ANXA4: variants seen among roughly 807,000 people sequenced by gnomAD.
The protein encoded by ANXA4 is 35-beta calcimedin.
Under a neutral mutation model 49.8 loss-of-function variants are expected in ANXA4, and 39 were observed. That is an observed-to-expected ratio of 0.78 (90% CI 0.61 to 1.02). The LOEUF is 1.02. ANXA4 is among the 50% of genes least tolerant of loss of function. The probability of loss-of-function intolerance (pLI) is 0.00; values close to 1 mark genes in which losing one functional copy is unlikely to be tolerated. For synonymous variants in ANXA4, 134 were observed against 152.5 expected (o/e 0.88, Z 0.89); for missense variants, 360 against 410.1 (o/e 0.88, Z 1.05).
intron 4 of ANXA4, among the ~76,000 whole-genome samples, chr2:69,805,408 A>G (rs1392189893): frequency 3.3e-5 from 5 of 152,108 alleles, no homozygotes; most frequent in African/African-American, 1.2e-4. Context: ...GTTCGAGACC[A>G]GCCTGACCAA....
intron 3 of ANXA4, among the ~76,000 whole-genome samples, chr2:69,732,159 A>G (rs1473447153): frequency 6.6e-6 from 1 of 151,308 alleles, no homozygotes; most frequent in East Asian, 2.0e-4. Flanking sequence ...TTGTATTTTT[A>G]GTAAAGATGG....
chr2:69,749,566 G>A (rs1010915948), intron 1 of ANXA4, among the ~76,000 whole-genome samples: 1 of 152,156 alleles, frequency 6.6e-6, no homozygotes, highest in African/African-American at 2.4e-5. Flanking sequence ...GATAGGAACT[G>A]ATATAGAATG....
intron 2 of ANXA4, among the ~76,000 whole-genome samples, chr2:69,658,102 AG>A (rs1330837330): frequency 6.6e-6 from 1 of 152,042 alleles, no homozygotes; most frequent in Non-Finnish European, 1.5e-5. Context: ...TTCTGTCAAA[AG>A]CAAAAAAAAA....
At chr2:69,664,930 C>A (rs953107967) in intron 2 of ANXA4, among the ~76,000 whole-genome samples, 1 of 152,074 alleles carries the variant, frequency 6.6e-6, no homozygotes, top group African/African-American at 2.4e-5. Context: ...CGGCAAAACC[C>A]CGTGTCTACT....
At chr2:69,810,505 G>T in intron 6 of ANXA4, 89 bp from the exon 7 acceptor site, 2 of 1,064,894 alleles carry the variant, frequency 1.9e-6, no homozygotes, top group Non-Finnish European at 2.9e-6. Context: ...TAAGCAGGCT[G>T]GTCTTGAGGG....
chr2:69,780,675 G>A (rs903674586), intron 1 of ANXA4, among the ~76,000 whole-genome samples: 4 of 152,176 alleles, frequency 2.6e-5, no homozygotes, highest in African/African-American at 9.7e-5. Context: ...CCAGGAGTTC[G>A]AGGCTGCAGA....
upstream of ANXA4, among the ~76,000 whole-genome samples, chr2:69,644,134 C>T (rs1675893853): frequency 7.1e-6 from 1 of 141,052 alleles, no homozygotes; most frequent in Non-Finnish European, 1.5e-5. Context: ...AATTTAAACA[C>T]ATCCCGTGAA....
Position 69,697,978 on chromosome 2 carries a change from CAAA to C in ANXA4, n.767-22779_767-22777del, listed in dbSNP as rs34820959. Among the ~76,000 whole-genome samples the C allele has an allele frequency of 5.7e-3, 600 of 105,630 alleles. 1 individual carries two copies. Among genetic ancestry groups the C allele is most frequent in the African/African-American group, 0.02 (569 of 28,950 alleles). 69.3% of individuals were successfully genotyped at this position (105,630 alleles called of 152,430 possible). A position where few individuals can be genotyped will look rare whatever the true frequency, so the allele number is the denominator to read the frequency against. On this transcript the variant is annotated intron_variant and non_coding_transcript_variant, in intron 2 of 3. Coordinates refer to the ANXA4 transcript ENST00000418066. ...TGGGCAACACAGTGAGACCCCATCTCAAAAAAAAAAAAAAAAAAAGAATACTAT... is the reference window on the plus strand; with the variant it reads ...TGGGCAACACAGTGAGACCCCATCTCAAAAAAAAAAAAAAAAGAATACTAT...
chr2:69,657,056 G>A (rs572265348), intron 2 of ANXA4, among the ~76,000 whole-genome samples: 20 of 146,714 alleles, frequency 1.4e-4, no homozygotes, highest in South Asian at 6.5e-4. Context: ...GTACAGTGGC[G>A]CAATCTCAGC....
intron 2 of ANXA4, among the ~76,000 whole-genome samples, chr2:69,716,498 A>G (rs1386904137): frequency 6.6e-6 from 1 of 152,100 alleles, no homozygotes; most frequent in Non-Finnish European, 1.5e-5. Flanking sequence ...GGTTGGAGAG[A>G]CGGGCGAGAG....
At chr2:69,713,789 T>G (rs1017049732) in intron 2 of ANXA4, 5 of 152,162 alleles carry the variant, frequency 3.3e-5, no homozygotes, top group African/African-American at 9.7e-5. Flanking sequence ...CACCTAACTC[T>G]CTTAACAGTT....
In ANXA4 at chr2:69,826,300, A is replaced by C. The variant is rs1674469087; in HGVS notation, c.*785A>C. The C allele has an allele frequency of 6.6e-6, 1 of 152,670 alleles. No homozygotes were observed. The highest frequency in any genetic ancestry group is 1.5e-5 in the Non-Finnish European group (1 of 68,038). The allele number at this position is 152,670 out of a possible 1,614,324, so 9.5% of individuals were successfully genotyped here. ...AACTAGGTATTCTGGGAATGATGTAATGCTCTGAATTTAGTATGATATAAA... is the reference window on the plus strand; with the variant it reads ...AACTAGGTATTCTGGGAATGATGTACTGCTCTGAATTTAGTATGATATAAA... On this transcript the variant is annotated 3_prime_UTR_variant, in exon 13 of 13. Transcript: ENST00000394295.
intron 2 of ANXA4, among the ~76,000 whole-genome samples, chr2:69,656,321 ATGTATATATATGTGTATATATATG>A (rs1289627955): frequency 2.0e-5 from 2 of 98,918 alleles, no homozygotes; most frequent in Non-Finnish European, 3.4e-5. Context: ...ATGTATATAT[ATGTATATATATGTGTATATATATG>A]TGTATATATG....
chr2:69,819,409 T>C, intron 11 of ANXA4, 71 bp downstream of exon 11: 4 of 1,125,738 alleles, frequency 3.6e-6, no homozygotes, highest in South Asian at 1.4e-5. Context: ...AGCTTACTTA[T>C]ATCCCCTATC....
At chr2:69,715,284 A>G (rs1394596983) in intron 2 of ANXA4, among the ~76,000 whole-genome samples, 2 of 152,092 alleles carry the variant, frequency 1.3e-5, no homozygotes, top group African/African-American at 4.8e-5. Flanking sequence ...ATCTCCTCTC[A>G]CCACAACCTC....
chr2:69,783,463 C>T (rs1242187902), intron 2 of ANXA4, among the ~76,000 whole-genome samples: 2 of 152,296 alleles, frequency 1.3e-5, no homozygotes, highest in Middle Eastern at 3.4e-3. Flanking sequence ...GATCTGCCCG[C>T]CTCGGCCTCC....
At chr2:69,697,871 A>G (rs1462398640) in intron 2 of ANXA4, among the ~76,000 whole-genome samples, 1 of 151,932 alleles carries the variant, frequency 6.6e-6, no homozygotes, top group South Asian at 2.1e-4. Context: ...GGGACTGGGC[A>G]AAGTGGTTCA....
chr2:69,694,143 A>G (rs1383614195), intron 2 of ANXA4, among the ~76,000 whole-genome samples: 1 of 152,148 alleles, frequency 6.6e-6, no homozygotes, highest in Non-Finnish European at 1.5e-5. Flanking sequence ...TCCCCAATGC[A>G]GTAGTATTAA....
chr2:69,712,576 CA>C (rs1166161743), intron 2 of ANXA4, among the ~76,000 whole-genome samples: 10 of 152,116 alleles, frequency 6.6e-5, no homozygotes, highest in African/African-American at 1.9e-4. Flanking sequence ...CAGAAAGTTT[CA>C]GTAACAAATT....
Sources: gnomAD v4.1 joint callset for allele counts (sites outside exome capture counted in the v4.1 genomes callset) on GRCh38, gnomAD v4.1.1 for gene constraint, MANE v1.5 for transcripts, NCBI Gene and HGNC (gene_info 2026-07-23, HGNC 2026-07-21) for gene names.